Variants in GLT1D1 observed in about 807,000 individuals in gnomAD.
GLT1D1 encodes the protein glycosyltransferase 1 domain containing 1, also known as glycosyltransferase 1 domain-containing protein 1.
Under a neutral mutation model 28.7 loss-of-function variants are expected in GLT1D1, and 21 were observed. The ratio of observed to expected loss-of-function variants is 0.73; its 90% CI spans 0.52 to 1.05. The LOEUF is 1.05. GLT1D1 is among the 50% of genes least tolerant of loss of function. GLT1D1 has a pLI of 0.00. For missense variants in GLT1D1, 343 were observed against 330.6 expected (o/e 1.04, Z -0.29); for synonymous variants, 147 against 124.8 (o/e 1.18, Z -1.19).
chr12:128,901,500 G>A (rs144250792), intron 4 of GLT1D1, among the ~76,000 whole-genome samples: 3 of 149,608 alleles, frequency 2.0e-5, no homozygotes, highest in Non-Finnish European at 4.4e-5. Flanking sequence ...GCAGTGGCGC[G>A]ATCTCGGCTC....
Position 128,876,079 on chromosome 12 carries a change from T to C in GLT1D1, c.217+17T>C, listed in dbSNP as rs763035076. On this transcript the variant is annotated intron_variant, in intron 2 of 7. Transcript: ENST00000281703. ...TTTTGCAAGGTAATCCTCTTTTTCTTCAAAAGTAAAACACTAGAAATTCTG... is the reference window on the plus strand; with the variant it reads ...TTTTGCAAGGTAATCCTCTTTTTCTCCAAAAGTAAAACACTAGAAATTCTG... 2 of 1,587,254 alleles carry C rather than the reference T, an allele frequency of 1.3e-6. No individual in the cohort carries two copies. The highest frequency in any genetic ancestry group is 2.7e-5 in the African/African-American group (2 of 73,396).
chr12:128,955,436 C>G (rs1373371103), intron 6 of GLT1D1, among the ~76,000 whole-genome samples: 1 of 152,096 alleles, frequency 6.6e-6, no homozygotes, highest in African/African-American at 2.4e-5. Context: ...CCTGAGAAGA[C>G]ATGAGCATGC....
intron 2 of GLT1D1, among the ~76,000 whole-genome samples, chr12:128,879,381 T>TCCTTC (rs1566096266): frequency 4.4e-4 from 13 of 29,274 alleles, no homozygotes; most frequent in Admixed American, 1.2e-3. Flanking sequence ...TTTTTCTTTT[T>TCCTTC]CTTTCTTTCT....
chr12:128,883,588 T>TAA (rs1566101339), intron 2 of GLT1D1, among the ~76,000 whole-genome samples: 2 of 91,132 alleles, frequency 2.2e-5, no homozygotes, highest in African/African-American at 1.0e-4. Context: ...AGACTCCATC[T>TAA]CAAAAAAAAA....
At chr12:128,980,032 C>T (rs1435583822) in intron 7 of GLT1D1, among the ~76,000 whole-genome samples, 1 of 152,256 alleles carries the variant, frequency 6.6e-6, no homozygotes, top group Non-Finnish European at 1.5e-5. Flanking sequence ...AAACCTTAAG[C>T]TGAACCATCA....
At position 128,912,417 on chromosome 12, in the gene GLT1D1, T is replaced by C; in HGVS notation, c.375+13130T>C. 1 of 1,522,646 alleles carries C rather than the reference T, an allele frequency of 6.6e-7. No homozygotes were observed. The highest frequency in any genetic ancestry group is 8.8e-7 in the Non-Finnish European group (1 of 1,136,196). The allele number at this position is 1,522,646 out of a possible 1,614,324, so 94.3% of individuals were successfully genotyped here. A position where few individuals can be genotyped will look rare whatever the true frequency, so the allele number is the denominator to read the frequency against. On this transcript the variant is annotated intron_variant, in intron 4 of 7. Coordinates refer to ENST00000281703, the MANE Select transcript of GLT1D1 (RefSeq NM_144669.3). Reference sequence around the variant, plus strand: ...CTTTTCTTTTCTCTCTCCCCTCCTTTCAAAAGCCGCATGCTAAGGGTAAGG... The same window carrying C: ...CTTTTCTTTTCTCTCTCCCCTCCTTCCAAAAGCCGCATGCTAAGGGTAAGG...
chr12:128,868,750 T>G (rs570808684), intron 1 of GLT1D1, among the ~76,000 whole-genome samples: 2 of 152,300 alleles, frequency 1.3e-5, no homozygotes, highest in South Asian at 4.1e-4. Context: ...GCCCCATGGG[T>G]CCTGTCAGAT....
intron 4 of GLT1D1, among the ~76,000 whole-genome samples, chr12:128,937,194 A>G (rs887920657): frequency 1.3e-5 from 2 of 152,248 alleles, no homozygotes; most frequent in African/African-American, 2.4e-5. Flanking sequence ...GAGCCCAAAA[A>G]AGGCTTTCAT....
intron 1 of GLT1D1, among the ~76,000 whole-genome samples, chr12:128,871,923 A>G (rs1286394988): frequency 6.6e-6 from 1 of 151,426 alleles, no homozygotes; most frequent in South Asian, 2.1e-4. Flanking sequence ...TTTCAAGGGT[A>G]ATTTTTTTTT....
At chr12:128,854,024 G>C (rs1241525520) in intron 1 of GLT1D1, among the ~76,000 whole-genome samples, 3 of 152,076 alleles carry the variant, frequency 2.0e-5, no homozygotes, top group Non-Finnish European at 2.9e-5. Context: ...GCGGGGGCGC[G>C]TTTCCAGGCC....
intron 1 of GLT1D1, among the ~76,000 whole-genome samples, chr12:128,875,642 C>CA (rs1476292073): frequency 7.9e-5 from 12 of 152,080 alleles, no homozygotes; most frequent in African/African-American, 2.9e-4. Flanking sequence ...ACTAAAAATA[C>CA]AAAAAATTAG....
chr12:128,936,807 C>T (rs1874612285), intron 4 of GLT1D1, among the ~76,000 whole-genome samples: 1 of 152,154 alleles, frequency 6.6e-6, no homozygotes, highest in South Asian at 2.1e-4. Flanking sequence ...TGAGAATTTT[C>T]ATTGTGGCTT....
At chr12:128,911,325 G>A (rs2135883589) in intron 4 of GLT1D1, among the ~76,000 whole-genome samples, 2 of 152,304 alleles carry the variant, frequency 1.3e-5, no homozygotes, top group Middle Eastern at 6.8e-3. Context: ...TCTCGCCCTT[G>A]GCAGGGCTAC....
chr12:128,910,846 GA>G (rs1277469586), intron 4 of GLT1D1, among the ~76,000 whole-genome samples: 1 of 152,178 alleles, frequency 6.6e-6, no homozygotes, highest in Non-Finnish European at 1.5e-5. Flanking sequence ...GGAGGCTTGA[GA>G]TGCTTCCTGT....
intron 2 of GLT1D1, 54 bp downstream of exon 2, chr12:128,876,116 T>A: frequency 1.3e-6 from 2 of 1,501,522 alleles, no homozygotes; most frequent in Non-Finnish European, 1.8e-6. Context: ...AAACCGGAAG[T>A]GCCTGTAATG....
intron 1 of GLT1D1, among the ~76,000 whole-genome samples, chr12:128,874,188 C>T (rs1371689847): frequency 2.1e-4 from 28 of 132,706 alleles, no homozygotes; most frequent in African/African-American, 8.0e-4. Context: ...TTTTCTCTTT[C>T]TTTCTCTCTT....
intron 2 of GLT1D1, among the ~76,000 whole-genome samples, chr12:128,878,605 AT>A (rs986937250): frequency 5.3e-5 from 8 of 149,780 alleles, no homozygotes; most frequent in East Asian, 3.9e-4. Flanking sequence ...ATGACTTTGA[AT>A]TTTTTTTTTC....
chr12:128,955,996 A>T (rs984629863), intron 6 of GLT1D1, among the ~76,000 whole-genome samples: 4 of 151,372 alleles, frequency 2.6e-5, no homozygotes, highest in Admixed American at 2.0e-4. Flanking sequence ...CATCTCTACT[A>T]AAAGTACAAA....
intron 7 of GLT1D1, among the ~76,000 whole-genome samples, chr12:128,965,875 A>G (rs996298215): frequency 1.3e-5 from 2 of 149,260 alleles, no homozygotes; most frequent in Non-Finnish European, 3.0e-5. Context: ...ACCCTGGATA[A>G]CAGCAAGACC....
Sources: allele counts gnomAD v4.1 joint callset (sites outside exome capture counted in the v4.1 genomes callset), GRCh38; gene constraint gnomAD v4.1.1; transcripts MANE v1.5; gene names NCBI Gene and HGNC (gene_info 2026-07-23, HGNC 2026-07-21).